The following CCDC3 variants were observed in gnomAD, a reference collection of about 807,000 sequenced individuals.
The protein encoded by CCDC3 is coiled-coil domain containing 3.
In CCDC3, 24 loss-of-function variants were observed where a neutral mutation model predicts 21.4. The observed-to-expected ratio is 1.12, with a 90% CI of 0.81 to 1.58. CCDC3 has a LOEUF of 1.58. Among genes scored for constraint, CCDC3 ranks in the 40% most tolerant of loss-of-function variants. The pLI is 0.00. For synonymous variants in CCDC3, 186 were observed against 166.0 expected (o/e 1.12, Z -0.93); for missense variants, 425 against 360.9 (o/e 1.18, Z -1.44).
At chr10:13,076,447 G>A (rs1416696647) in intron 3 of CCDC3, among the ~76,000 whole-genome samples, 4 of 152,358 alleles carry the variant, frequency 2.6e-5, no homozygotes, top group South Asian at 2.1e-4. Flanking sequence ...AGACCCAGAC[G>A]TAGGAGTGTC....
intron 2 of CCDC3, among the ~76,000 whole-genome samples, chr10:12,926,265 T>C (rs1036737507): frequency 6.6e-6 from 1 of 152,234 alleles, no homozygotes; most frequent in Admixed American, 6.5e-5. Context: ...GTGTAACTGC[T>C]TGTGATCATC....
chr10:12,964,101 G>A (rs4750291), intron 2 of CCDC3, among the ~76,000 whole-genome samples: 131,077 of 152,130 alleles, frequency 0.86, 57,671 homozygotes, highest in East Asian at 1. Flanking sequence ...AGCCGGGAGC[G>A]GTGGCTCATG....
chr10:13,033,722 G>C (rs1456776036), intron 5 of CCDC3, among the ~76,000 whole-genome samples: 1 of 152,134 alleles, frequency 6.6e-6, no homozygotes. Context: ...ATTTATGCAG[G>C]CAACACACAC....
chr10:12,909,932 C>CT (rs1034158723), intron 2 of CCDC3, among the ~76,000 whole-genome samples: 1 of 152,222 alleles, frequency 6.6e-6, no homozygotes, highest in African/African-American at 2.4e-5. Flanking sequence ...CTCCCAAGGG[C>CT]TGGGGTGTGT....
chr10:12,915,484 G>A (rs1368758466), intron 2 of CCDC3, among the ~76,000 whole-genome samples: 1 of 152,142 alleles, frequency 6.6e-6, no homozygotes, highest in Non-Finnish European at 1.5e-5. Context: ...ATAAATCTCT[G>A]TATCTTTAGA....
intron 5 of CCDC3, among the ~76,000 whole-genome samples, chr10:13,031,215 G>A (rs1836296190): frequency 6.6e-6 from 1 of 152,130 alleles, no homozygotes; most frequent in Non-Finnish European, 1.5e-5. Flanking sequence ...TCAACTACAT[G>A]GAAACTGAAC....
At chr10:12,968,086 T>C (rs960937112) in intron 2 of CCDC3, among the ~76,000 whole-genome samples, 2 of 151,906 alleles carry the variant, frequency 1.3e-5, no homozygotes, top group South Asian at 2.1e-4. Context: ...GGAGAATCAT[T>C]TGAAGCTGGA....
At chr10:12,996,180 G>A (rs1218355204) in intron 2 of CCDC3, among the ~76,000 whole-genome samples, 2 of 152,158 alleles carry the variant, frequency 1.3e-5, no homozygotes, top group African/African-American at 4.8e-5. Flanking sequence ...CAACAGTAAT[G>A]ATTAAGAAGG....
At chr10:12,925,547 A>G (rs1446280016) in intron 2 of CCDC3, among the ~76,000 whole-genome samples, 3 of 152,224 alleles carry the variant, frequency 2.0e-5, no homozygotes, top group Non-Finnish European at 4.4e-5. Context: ...CCTAGCATCC[A>G]AGCCACTTTT....
At chr10:12,913,940 A>G (rs1397441648) in intron 2 of CCDC3, among the ~76,000 whole-genome samples, 13 of 152,184 alleles carry the variant, frequency 8.5e-5, no homozygotes, top group Admixed American at 8.5e-4. Flanking sequence ...ATGTCATTTG[A>G]TCATGGCAAA....
At chr10:12,978,877 G>A (rs1835456398) in intron 2 of CCDC3, among the ~76,000 whole-genome samples, 1 of 152,144 alleles carries the variant, frequency 6.6e-6, no homozygotes, top group African/African-American at 2.4e-5. Flanking sequence ...GCTGTTTTGT[G>A]AAAGTAAATG....
intron 4 of CCDC3, chr10:13,058,812 AAG>A (rs1000895628): frequency 1.6e-5 from 3 of 191,988 alleles, no homozygotes; most frequent in Admixed American, 5.5e-5. Context: ...ATGATGAGGG[AAG>A]AGAGTTTCTA....
intron 3 of CCDC3, among the ~76,000 whole-genome samples, chr10:13,077,925 A>T (rs1414456149): frequency 6.6e-6 from 1 of 152,220 alleles, no homozygotes; most frequent in Non-Finnish European, 1.5e-5. Flanking sequence ...AACCTAGGCA[A>T]TACCATTCAG....
intron 2 of CCDC3, among the ~76,000 whole-genome samples, chr10:12,935,337 G>C (rs1337327400): frequency 6.6e-6 from 1 of 151,842 alleles, no homozygotes; most frequent in Non-Finnish European, 1.5e-5. Context: ...TCCTGTCTCA[G>C]CCTCCCAAGT....
intron 5 of CCDC3, among the ~76,000 whole-genome samples, chr10:13,018,481 C>T (rs1836100550): frequency 6.6e-6 from 1 of 152,150 alleles, no homozygotes; most frequent in African/African-American, 2.4e-5. Flanking sequence ...GGCCTACAGG[C>T]CACTGTGTGT....
At chr10:13,087,508 T>C (rs1482667426) in intron 3 of CCDC3, among the ~76,000 whole-genome samples, 1 of 151,902 alleles carries the variant, frequency 6.6e-6, no homozygotes, top group African/African-American at 2.4e-5. Context: ...CAGTGCACCT[T>C]ATAACAGAAG....
intron 5 of CCDC3, among the ~76,000 whole-genome samples, chr10:13,041,492 G>GAAC (rs1836453182): frequency 7.9e-6 from 1 of 127,306 alleles, no homozygotes; most frequent in African/African-American, 3.2e-5. Context: ...CACTCCAAGT[G>GAAC]TCTGGCAGAT....
At chr10:12,908,440 TG>T (rs1237966830) in intron 2 of CCDC3, among the ~76,000 whole-genome samples, 2 of 152,178 alleles carry the variant, frequency 1.3e-5, no homozygotes, top group Admixed American at 6.5e-5. Flanking sequence ...AGCGGTCTCC[TG>T]TGTTTCTCCC....
chr10:12,973,118 G>T (rs1342543070), intron 2 of CCDC3, among the ~76,000 whole-genome samples: 1 of 152,158 alleles, frequency 6.6e-6, no homozygotes, highest in Non-Finnish European at 1.5e-5. Flanking sequence ...GCTCTGCTGG[G>T]GACCAGGAAA....
Sources: gnomAD v4.1 joint callset for allele counts (sites outside exome capture counted in the v4.1 genomes callset) on GRCh38, gnomAD v4.1.1 for gene constraint, MANE v1.5 for transcripts, NCBI Gene and HGNC (gene_info 2026-07-23, HGNC 2026-07-21) for gene names.